DIP2B: variants seen among roughly 807,000 people sequenced by gnomAD.
DIP2B encodes disco-interacting protein 2 homolog B.
A neutral mutation model predicts 198.0 loss-of-function variants in DIP2B; 76 were observed. That is an observed-to-expected ratio of 0.38 (90% CI 0.32 to 0.46). The LOEUF is 0.46. Ranked by LOEUF, DIP2B falls within the 20% of genes least tolerant of loss-of-function variation. The pLI is 0.99. For missense variants in DIP2B, 1,559 were observed against 1,978.4 expected (o/e 0.79, Z 4.02); for synonymous variants, 701 against 739.1 (o/e 0.95, Z 0.84).
intron 22 of DIP2B, 25 bp from the exon 23 acceptor site, chr12:50,714,370 A>G: frequency 6.2e-7 from 1 of 1,613,364 alleles, no homozygotes; most frequent in Non-Finnish European, 8.5e-7. Flanking sequence ...GATCTCACTG[A>G]GTATTTTTGT....
At chr12:50,698,994 C>T in intron 18 of DIP2B, 72 bp from the exon 19 acceptor site, 1 of 1,553,884 alleles carries the variant, frequency 6.4e-7, no homozygotes, top group East Asian at 2.3e-5. Context: ...CTTGGGTTCA[C>T]AGGATGAAGC....
chr12:50,565,305 AT>A (rs78478979), intron 1 of DIP2B, among the ~76,000 whole-genome samples: 47,921 of 145,026 alleles, frequency 0.33, 7,782 homozygotes, highest in South Asian at 0.4. Context: ...TGGTGCCACT[AT>A]TTTTTTTTTT....
At chr12:50,708,349 A>G in intron 21 of DIP2B, 99 bp from the exon 22 acceptor site, 1 of 981,720 alleles carries the variant, frequency 1.0e-6, no homozygotes, top group Non-Finnish European at 1.6e-6. Flanking sequence ...CGTTTTGGGT[A>G]GCATGGTGGG....
At chr12:50,548,569 A>G (rs1958397048) in intron 1 of DIP2B, among the ~76,000 whole-genome samples, 1 of 152,052 alleles carries the variant, frequency 6.6e-6, no homozygotes, top group Non-Finnish European at 1.5e-5. Context: ...TCTGTTGCCC[A>G]GGCTGGAGTG....
Position 50,695,067 on chromosome 12 carries a change from C to T in DIP2B, c.1720-200C>T, listed in dbSNP as rs145930393. ...CAAATTTGTAACTGATTATCTCTGGCGAGGAGAGGAGGGAACCAGGTTTGA... is the reference window on the plus strand; with the variant it reads ...CAAATTTGTAACTGATTATCTCTGGTGAGGAGAGGAGGGAACCAGGTTTGA... On this transcript the variant is annotated intron_variant, in intron 14 of 37. Transcript: ENST00000301180. Among the ~76,000 whole-genome samples, 36 of 151,936 alleles carry T rather than the reference C, an allele frequency of 2.4e-4. 1 individual carries two copies. Among genetic ancestry groups the T allele is most frequent in the African/African-American group, 8.2e-4 (34 of 41,434 alleles).
intron 35 of DIP2B, among the ~76,000 whole-genome samples, chr12:50,737,438 C>A (rs1940157300): frequency 6.6e-6 from 1 of 152,042 alleles, no homozygotes; most frequent in Admixed American, 6.6e-5. Context: ...TTTTTAAGGT[C>A]ATTCAGATGT....
At chr12:50,566,390 G>C (rs1048443027) in intron 1 of DIP2B, among the ~76,000 whole-genome samples, 4 of 152,034 alleles carry the variant, frequency 2.6e-5, no homozygotes, top group African/African-American at 9.7e-5. Context: ...ACTGTCTTTT[G>C]GCTTCCGTGA....
chr12:50,675,279 A>G (rs750065807), intron 6 of DIP2B, 50 bp from the exon 7 acceptor site: 2 of 1,591,206 alleles, frequency 1.3e-6, no homozygotes, highest in Non-Finnish European at 1.7e-6. Context: ...GAGGAACTAA[A>G]ATATCCTTAC....
intron 1 of DIP2B, among the ~76,000 whole-genome samples, chr12:50,508,383 T>G (rs1296401293): frequency 2.0e-5 from 3 of 152,228 alleles, no homozygotes; most frequent in African/African-American, 7.2e-5. Flanking sequence ...TGTATGTACA[T>G]AAAGTAGCAC....
At chr12:50,508,152 C>T (rs1298143953) in intron 1 of DIP2B, among the ~76,000 whole-genome samples, 1 of 152,192 alleles carries the variant, frequency 6.6e-6, no homozygotes, top group Non-Finnish European at 1.5e-5. Flanking sequence ...AGGCAGCTTC[C>T]TGGTTAAAAC....
chr12:50,544,278 C>A (rs1343391533), intron 1 of DIP2B, among the ~76,000 whole-genome samples: 2 of 152,044 alleles, frequency 1.3e-5, no homozygotes, highest in African/African-American at 4.8e-5. Flanking sequence ...TCCTAACACC[C>A]AAGTGTAAAC....
intron 1 of DIP2B, among the ~76,000 whole-genome samples, chr12:50,556,256 G>T (rs139198579): frequency 2.0e-3 from 300 of 151,874 alleles, no homozygotes; most frequent in African/African-American, 7.0e-3. Context: ...TACCACATTG[G>T]CCAGGATGGT....
Position 50,741,454 on chromosome 12 carries a change from G to C in DIP2B, c.4393G>C (p.Glu1465Gln), listed in dbSNP as rs765751980. 1.2e-6 allele frequency: 2 copies of C among 1,614,030 alleles called. No homozygotes were observed. The highest frequency in any genetic ancestry group is 3.3e-5 in the Admixed American group (2 of 60,002). Residue 1465 changes from glutamate to glutamine, a missense_variant, in exon 37 of 38, where the codon GAA becomes CAA. By Grantham distance (29) the Glu-to-Gln change is conservative. Transcript: ENST00000301180. ...ATTGTATGTGGTGGGAGCGCTGGAT[G>C]AAACACTGGAGCTGAGAGGATTACG... ...DALYVVGALD[E>Q]TLELRGLRYH...
chr12:50,512,341 C>T (rs973830303), intron 1 of DIP2B, among the ~76,000 whole-genome samples: 3 of 151,954 alleles, frequency 2.0e-5, no homozygotes, highest in African/African-American at 4.8e-5. Context: ...TCCTGACCTC[C>T]GGTGATCTGC....
rs777068879 is a variant in DIP2B at position 50,523,440 on chromosome 12, A to G, written c.100+18200A>G. On this transcript the variant is annotated intron_variant, in intron 1 of 37. Coordinates refer to ENST00000301180, the MANE Select transcript of DIP2B (RefSeq NM_173602.3). Reference sequence around the variant, plus strand: ...GTTTAATCCATGGATGTGGAACCCAAAGATATGGACGGGCCAACTGTACTG... The same window carrying G: ...GTTTAATCCATGGATGTGGAACCCAGAGATATGGACGGGCCAACTGTACTG... 1.7e-3 allele frequency among the ~76,000 whole-genome samples: 264 copies of G among 152,314 alleles called. 2 individuals are homozygous for G. Among genetic ancestry groups the G allele is most frequent in the Non-Finnish European group, 1.8e-3 (121 of 68,024 alleles).
intron 1 of DIP2B, among the ~76,000 whole-genome samples, chr12:50,580,410 CTTTAAT>C (rs1202042213): frequency 2.0e-5 from 3 of 148,712 alleles, no homozygotes; most frequent in African/African-American, 7.4e-5. Flanking sequence ...AGCTAATTTC[CTTTAAT>C]TTTATTTTTT....
intron 2 of DIP2B, 74 bp downstream of exon 2, chr12:50,626,121 C>T: frequency 6.8e-7 from 1 of 1,477,778 alleles, no homozygotes; most frequent in Non-Finnish European, 9.4e-7. Flanking sequence ...AGACCTCTAT[C>T]TTTTGTTTGT....
intron 3 of DIP2B, chr12:50,656,870 C>G (rs1411285315): frequency 1.3e-5 from 2 of 152,058 alleles, no homozygotes; most frequent in Non-Finnish European, 2.9e-5. Context: ...CCATGCTGGC[C>G]AGGAAAACTT....
At chr12:50,526,189 T>C (rs754959916) in intron 1 of DIP2B, among the ~76,000 whole-genome samples, 3 of 152,184 alleles carry the variant, frequency 2.0e-5, no homozygotes, top group East Asian at 1.9e-4. Flanking sequence ...TGGAATTCTT[T>C]AGATGGTGGC....
Sources: gnomAD v4.1 joint callset for allele counts (sites outside exome capture counted in the v4.1 genomes callset) on GRCh38, gnomAD v4.1.1 for gene constraint, MANE v1.5 for transcripts, NCBI Gene and HGNC (gene_info 2026-07-23, HGNC 2026-07-21) for gene names.